The following TXK variants were observed in gnomAD, a reference collection of about 807,000 sequenced individuals.
The protein encoded by TXK is TXK tyrosine kinase.
In TXK, 60 loss-of-function variants were observed where a neutral mutation model predicts 81.0. The observed-to-expected ratio is 0.74, with a 90% CI of 0.60 to 0.92. TXK has a LOEUF of 0.92. TXK is among the 40% of genes least tolerant of loss of function. The pLI is 0.00. For synonymous variants in TXK, 203 were observed against 210.7 expected (o/e 0.96, Z 0.32); for missense variants, 581 against 638.3 (o/e 0.91, Z 0.97).
intron 14 of TXK, 35 bp from the exon 15 acceptor site, chr4:48,067,740 T>C (rs1716667616): frequency 6.3e-7 from 1 of 1,595,844 alleles, no homozygotes; most frequent in South Asian, 1.1e-5. Context: ...TAGCTCAGCT[T>C]AACCAACTTA....
intron 1 of TXK, among the ~76,000 whole-genome samples, chr4:48,119,586 A>G (rs1315835848): frequency 1.3e-5 from 2 of 152,064 alleles, no homozygotes; most frequent in Admixed American, 1.3e-4. Flanking sequence ...GCACCCAGAA[A>G]TCACTCATTT....
chr4:48,071,390 G>A, intron 14 of TXK, 127 bp downstream of exon 14: 1 of 940,772 alleles, frequency 1.1e-6, no homozygotes, highest in Non-Finnish European at 1.6e-6. Flanking sequence ...CAGACTCTCA[G>A]GATCATGACC....
At chr4:48,119,383 C>T (rs1398564820) in intron 1 of TXK, among the ~76,000 whole-genome samples, 2 of 152,162 alleles carry the variant, frequency 1.3e-5, no homozygotes, top group East Asian at 1.9e-4. Context: ...TTGGACGTCA[C>T]CATTGCTCAG....
chr4:48,080,600 G>A (rs548112164), intron 10 of TXK, among the ~76,000 whole-genome samples: 2 of 148,644 alleles, frequency 1.3e-5, no homozygotes, highest in African/African-American at 4.9e-5. Flanking sequence ...AAGGAAAATT[G>A]TAGATAAAGT....
At chr4:48,102,268 C>T (rs947494041) in intron 6 of TXK, among the ~76,000 whole-genome samples, 2 of 152,162 alleles carry the variant, frequency 1.3e-5, no homozygotes, top group African/African-American at 4.8e-5. Context: ...CTTAAGCCAC[C>T]ACCCCCAGCT....
chr4:48,120,494 T>C (rs1171341728), intron 1 of TXK, among the ~76,000 whole-genome samples: 1 of 151,096 alleles, frequency 6.6e-6, no homozygotes, highest in Non-Finnish European at 1.5e-5. Context: ...TAAGTCTCTT[T>C]TTTTTTTTTT....
intron 4 of TXK, among the ~76,000 whole-genome samples, chr4:48,111,947 C>T (rs935960519): frequency 3.3e-5 from 5 of 152,264 alleles, no homozygotes; most frequent in South Asian, 2.1e-4. Flanking sequence ...TCTGTTCTTA[C>T]CTTAGAGCTT....
intron 1 of TXK, among the ~76,000 whole-genome samples, chr4:48,125,533 A>T (rs1386187656): frequency 1.3e-5 from 2 of 152,332 alleles, no homozygotes; most frequent in African/African-American, 4.8e-5. Context: ...TCAGGACTCC[A>T]GGAGACTCTC....
chr4:48,103,223 A>T (rs1274002750), intron 6 of TXK, among the ~76,000 whole-genome samples: 3 of 152,204 alleles, frequency 2.0e-5, no homozygotes, highest in African/African-American at 4.8e-5. Context: ...GATTTGGGCC[A>T]TATTACCTGT....
At chr4:48,128,604 C>T (rs1719157395) in intron 1 of TXK, among the ~76,000 whole-genome samples, 1 of 114,234 alleles carries the variant, frequency 8.8e-6, no homozygotes, top group Non-Finnish European at 1.6e-5. Context: ...CTCACTCTGT[C>T]TCCCAGGCTG....
intron 8 of TXK, among the ~76,000 whole-genome samples, chr4:48,091,797 AC>A (rs540682389): frequency 5.3e-4 from 80 of 152,254 alleles, no homozygotes; most frequent in African/African-American, 1.8e-3. Context: ...GAGCCACTGC[AC>A]CCAGCCAGAT....
chr4:48,095,047 A>G (rs1260208048), intron 7 of TXK, 96 bp downstream of exon 7: 5 of 1,058,976 alleles, frequency 4.7e-6, no homozygotes, highest in Non-Finnish European at 7.2e-6. Flanking sequence ...CAGGTCAACA[A>G]TCTTTTCCCT....
intron 6 of TXK, among the ~76,000 whole-genome samples, chr4:48,100,849 G>A (rs1718163665): frequency 6.6e-6 from 1 of 151,984 alleles, no homozygotes; most frequent in Admixed American, 6.5e-5. Context: ...CACTATGCAG[G>A]TATAAAATGA....
intron 1 of TXK, among the ~76,000 whole-genome samples, chr4:48,130,958 T>C (rs1163454033): frequency 6.6e-5 from 10 of 152,242 alleles, no homozygotes; most frequent in Admixed American, 5.2e-4. Flanking sequence ...TTCTACTCTC[T>C]AAGTTGGGAA....
intron 10 of TXK, 58 bp from the exon 11 acceptor site, chr4:48,080,186 G>C (rs752648774): frequency 7.7e-7 from 1 of 1,307,032 alleles, no homozygotes; most frequent in South Asian, 1.2e-5. Flanking sequence ...TTAAATGTTT[G>C]AACATAACTG....
rs118006924 is a variant in TXK at position 48,078,178 on chromosome 4, G to A, written c.1174-1712C>T. 8.8e-4 allele frequency among the ~76,000 whole-genome samples: 134 copies of A among 152,282 alleles called. 1 individual carries two copies. The East Asian group carries it at 0.024, about 27-fold the overall frequency. Reference sequence around the variant, plus strand: ...CACTGCGTGGCATCTCAGATATCTAGGCCTTGATCTCAAAGACTCTAAGTC... The same window carrying A: ...CACTGCGTGGCATCTCAGATATCTAAGCCTTGATCTCAAAGACTCTAAGTC... On this transcript the variant is annotated intron_variant, in intron 11 of 14. Coordinates refer to ENST00000264316, the MANE Select transcript of TXK (RefSeq NM_003328.3).
intron 6 of TXK, among the ~76,000 whole-genome samples, chr4:48,102,997 A>G (rs1308808274): frequency 6.6e-6 from 1 of 152,184 alleles, no homozygotes; most frequent in Non-Finnish European, 1.5e-5. Flanking sequence ...GGAATGAGAG[A>G]GGACCAAAAA....
chr4:48,089,373 G>C (rs1209453320), intron 9 of TXK: 3 of 157,102 alleles, frequency 1.9e-5, no homozygotes, highest in Non-Finnish European at 4.2e-5. Flanking sequence ...AGAATCAATA[G>C]GGAACTAGAT....
chr4:48,089,547 A>T, intron 9 of TXK: 1 of 396,634 alleles, frequency 2.5e-6, no homozygotes, highest in East Asian at 4.6e-5. Flanking sequence ...TCCACCACCA[A>T]ACCCGGCTAA....
Sources: allele counts gnomAD v4.1 joint callset (sites outside exome capture counted in the v4.1 genomes callset), GRCh38; gene constraint gnomAD v4.1.1; transcripts MANE v1.5; gene names NCBI Gene and HGNC (gene_info 2026-07-23, HGNC 2026-07-21).